FGF13: variants seen among roughly 807,000 people sequenced by gnomAD.
FGF13 encodes fibroblast growth factor 13, also known as fibroblast growth factor homologous factor 2.
A neutral mutation model predicts 19.5 loss-of-function variants in FGF13; 2 were observed. The observed-to-expected ratio is 0.10, with a 90% CI of 0.04 to 0.32. The LOEUF (loss-of-function observed/expected upper bound fraction) is 0.32. FGF13 is among the 10% of genes least tolerant of loss of function. FGF13 has a pLI of 1.00. For missense variants in FGF13, 113 were observed against 192.7 expected, an observed-to-expected ratio of 0.59 and a Z score of 2.45; for synonymous variants, 72 against 76.9, an observed-to-expected ratio of 0.94 and a Z score of 0.33.
intron 1 of FGF13, among the ~76,000 whole-genome samples, chrX:139,046,748 T>A (rs1038838922): frequency 9.8e-5 from 11 of 111,711 alleles, no homozygotes; most frequent in African/African-American, 3.6e-4. Context: ...ATGAATGGAA[T>A]AATATTTATT....
intron 3 of FGF13, among the ~76,000 whole-genome samples, chrX:138,752,369 T>C (rs1483944596): frequency 9.1e-6 from 1 of 110,462 alleles, no homozygotes; most frequent in Non-Finnish European, 1.9e-5. Flanking sequence ...GAGGTTGCAG[T>C]GAGCCAAGAT....
intron 1 of FGF13, among the ~76,000 whole-genome samples, chrX:139,060,425 A>T (rs1025046296): frequency 3.6e-5 from 4 of 111,505 alleles, no homozygotes; most frequent in Admixed American, 9.6e-5. Flanking sequence ...TAACTAGCTA[A>T]CGATACAGAT....
At chrX:138,972,450 G>A (rs1389785597) in intron 1 of FGF13, among the ~76,000 whole-genome samples, 3 of 106,694 alleles carry the variant, frequency 2.8e-5, no homozygotes, top group Non-Finnish European at 5.8e-5. Context: ...TCTGCCTCCC[G>A]GGTTCACGCC....
chrX:139,101,983 T>C (rs2083518293), intron 1 of FGF13, among the ~76,000 whole-genome samples: 1 of 111,982 alleles, frequency 8.9e-6, no homozygotes, highest in Admixed American at 9.5e-5. Context: ...CACCCATCCT[T>C]TAAGGTCTAG....
chrX:138,892,272 T>C (rs2091481987), intron 1 of FGF13, among the ~76,000 whole-genome samples: 1 of 111,523 alleles, frequency 9.0e-6, no homozygotes, highest in Non-Finnish European at 1.9e-5. Context: ...ACTCAACCCC[T>C]CTGAACCTTA....
At chrX:138,659,984 G>C (rs896705834) in intron 3 of FGF13, among the ~76,000 whole-genome samples, 1 of 110,961 alleles carries the variant, frequency 9.0e-6, no homozygotes, top group African/African-American at 3.3e-5. Flanking sequence ...TAGATGATGA[G>C]TTGATGGGTG....
chrX:139,093,405 G>A (rs2083450695), intron 1 of FGF13, among the ~76,000 whole-genome samples: 2 of 112,007 alleles, frequency 1.8e-5, no homozygotes, highest in African/African-American at 6.5e-5. Flanking sequence ...TACATACTTT[G>A]AAACATCTGC....
chrX:138,885,384 A>G (rs974903410), intron 1 of FGF13, among the ~76,000 whole-genome samples: 2 of 111,564 alleles, frequency 1.8e-5, no homozygotes, highest in Non-Finnish European at 3.8e-5. Context: ...TATAAGCTTT[A>G]GCAAACAACG....
intron 1 of FGF13, among the ~76,000 whole-genome samples, chrX:138,944,286 A>T (rs1251313985): frequency 2.7e-5 from 3 of 111,241 alleles, no homozygotes; most frequent in Non-Finnish European, 5.7e-5. Flanking sequence ...AAAGATTATA[A>T]GAAGGTCATC....
At chrX:138,867,912 G>A (rs984979055) in intron 1 of FGF13, among the ~76,000 whole-genome samples, 4 of 110,105 alleles carry the variant, frequency 3.6e-5, no homozygotes, top group South Asian at 3.9e-4. Context: ...CTCCCACCAC[G>A]CACAAAAAAT....
intron 3 of FGF13, among the ~76,000 whole-genome samples, chrX:138,847,193 G>A (rs1375917964): frequency 1.8e-5 from 2 of 111,606 alleles, no homozygotes; most frequent in East Asian, 5.7e-4. Context: ...GAAAAATTAG[G>A]TTCAAATCAA....
At chrX:139,107,681 C>A (rs1316584981) in intron 1 of FGF13, among the ~76,000 whole-genome samples, 1 of 110,484 alleles carries the variant, frequency 9.1e-6, no homozygotes, top group Non-Finnish European at 1.9e-5. Context: ...GAGACTAGTT[C>A]ATGATCGGAT....
chrX:139,050,218 TC>T (rs1278018224), intron 1 of FGF13, among the ~76,000 whole-genome samples: 1 of 111,965 alleles, frequency 8.9e-6, no homozygotes, highest in African/African-American at 3.3e-5. Flanking sequence ...TCCATGTCCT[TC>T]AAGTCTTCCC....
rs1428783518 is a variant in FGF13 at position 138,628,743 on chromosome X, G to GGTC, written c.*4104_*4106dup. The GGTC allele has an allele frequency of 9.0e-6, 1 of 111,695 alleles. No homozygotes were observed. Among genetic ancestry groups the GGTC allele is most frequent in the Non-Finnish European group, 1.9e-5 (1 of 53,169 alleles). 9.2% of individuals were successfully genotyped at this position (111,695 alleles called of 1,213,427 possible). A position where few individuals can be genotyped will look rare whatever the true frequency, so the allele number is the denominator to read the frequency against. Reference sequence around the variant, plus strand: ...GGTAAAGTTAAATCCATGTAGCTAAGGTCTTTGAAAAACTCTTCGGTGAGC... The same window carrying GGTC: ...GGTAAAGTTAAATCCATGTAGCTAAGGTCGTCTTTGAAAAACTCTTCGGTGAGC... On this transcript the variant is annotated 3_prime_UTR_variant, in exon 5 of 5. Coordinates refer to ENST00000315930, the MANE Select transcript of FGF13 (RefSeq NM_004114.5).
At chrX:138,820,140 T>C (rs1439964646) in intron 3 of FGF13, among the ~76,000 whole-genome samples, 1 of 112,005 alleles carries the variant, frequency 8.9e-6, no homozygotes, top group African/African-American at 3.2e-5. Context: ...AAAACAAAAA[T>C]TCTTTTATTT....
At chrX:139,059,142 C>T (rs1184384593) in intron 1 of FGF13, among the ~76,000 whole-genome samples, 1 of 110,744 alleles carries the variant, frequency 9.0e-6, no homozygotes, top group Non-Finnish European at 1.9e-5. Context: ...TAATCTTTAA[C>T]AAAAACCAAC....
intron 1 of FGF13, chrX:138,990,460 AC>A (rs969593380): frequency 9.1e-6 from 1 of 110,400 alleles, no homozygotes; most frequent in African/African-American, 3.3e-5. Flanking sequence ...ATAAAGACAT[AC>A]CCGAGACTGG....
At chrX:138,729,472 C>T (rs1480262424) in intron 1 of FGF13, among the ~76,000 whole-genome samples, 1 of 109,565 alleles carries the variant, frequency 9.1e-6, no homozygotes. Context: ...CCAAATGCAA[C>T]AGAAAGAAAG....
At chrX:138,965,734 C>T (rs7065536) in intron 1 of FGF13, among the ~76,000 whole-genome samples, 2,266 of 111,723 alleles carry the variant, frequency 0.02, 64 homozygotes, top group African/African-American at 0.07. Context: ...GAGCATTGAA[C>T]CAATCACAGG....
Sources: gnomAD v4.1 joint callset for allele counts (sites outside exome capture counted in the v4.1 genomes callset) on GRCh38, gnomAD v4.1.1 for gene constraint, MANE v1.5 for transcripts, NCBI Gene and HGNC (gene_info 2026-07-23, HGNC 2026-07-21) for gene names.